Variants in TMEM74 observed in about 807,000 individuals in gnomAD.
TMEM74 encodes transmembrane protein 74.
Under a neutral mutation model 18.1 loss-of-function variants are expected in TMEM74, and 13 were observed. That is an observed-to-expected ratio of 0.72 (90% CI 0.47 to 1.14). The LOEUF (loss-of-function observed/expected upper bound fraction) is 1.14. Ranked by LOEUF, TMEM74 falls within the 50% of genes most tolerant of loss-of-function variation. The pLI, the probability that TMEM74 is intolerant of heterozygous loss-of-function variation, is 0.00. For missense variants in TMEM74, 372 were observed against 375.9 expected, an observed-to-expected ratio of 0.99 and a Z score of 0.09; for synonymous variants, 159 against 146.6, an observed-to-expected ratio of 1.08 and a Z score of -0.61.
chr8:108,648,426 A>G (rs1812742262), intron 2 of TMEM74, among the ~76,000 whole-genome samples: 1 of 152,104 alleles, frequency 6.6e-6, no homozygotes, highest in Non-Finnish European at 1.5e-5. Context: ...TGCGAGGCAA[A>G]ATTAGCTTCA....
rs1049825392 is a variant in TMEM74 at position 108,780,884 on chromosome 8, C to G, written c.*3297G>C. Among the ~76,000 whole-genome samples, 4 of 152,212 alleles carry G rather than the reference C, an allele frequency of 2.6e-5. No homozygotes were observed. The highest frequency in any genetic ancestry group is 2.6e-4 in the Admixed American group (4 of 15,286). ...ATTATGTGATCTGCTTTAAGAGCTC[C>G]CAATGGGTGGGAAGGACACACAGCG... On this transcript the variant is annotated 3_prime_UTR_variant, in exon 2 of 2. Coordinates refer to ENST00000297459, the MANE Select transcript of TMEM74 (RefSeq NM_153015.3).
intron 1 of TMEM74, among the ~76,000 whole-genome samples, chr8:108,772,062 T>C (rs1414578785): frequency 1.3e-5 from 2 of 152,174 alleles, no homozygotes. Flanking sequence ...GATTCCTGGT[T>C]AGAGTGAATA....
At chr8:108,608,298 C>CAAAAAAAAA (rs374774953) in intron 3 of TMEM74, among the ~76,000 whole-genome samples, 1 of 72,540 alleles carries the variant, frequency 1.4e-5, no homozygotes, top group Non-Finnish European at 3.0e-5. Context: ...AAGACTCTGT[C>CAAAAAAAAA]AAAAAAAAAA....
At chr8:108,747,758 CT>C (rs1813864711) in intron 1 of TMEM74, among the ~76,000 whole-genome samples, 1 of 150,526 alleles carries the variant, frequency 6.6e-6, no homozygotes, top group South Asian at 2.2e-4. Flanking sequence ...TGTTTCCCCC[CT>C]GTGTTCATGT....
At position 108,717,530 on chromosome 8, in the gene TMEM74, T is replaced by C. The variant is rs116634906; in HGVS notation, n.120-62093A>G. Among the ~76,000 whole-genome samples, 945 of 152,248 alleles carry C rather than the reference T, an allele frequency of 6.2e-3. 6 individuals are homozygous for C. The highest frequency in any genetic ancestry group is 0.021 in the African/African-American group (858 of 41,518). ...CAGATAACCTGAAAAATGTCAGTTA[T>C]GTAGTATATTAGAGCTCATAAATGC... On this transcript the variant is annotated intron_variant and non_coding_transcript_variant, in intron 1 of 3. Coordinates refer to the TMEM74 transcript ENST00000518838.
intron 1 of TMEM74, among the ~76,000 whole-genome samples, chr8:108,721,835 C>A (rs994790536): frequency 9.9e-5 from 15 of 152,144 alleles, no homozygotes; most frequent in African/African-American, 3.6e-4. Flanking sequence ...CACAAAGAAC[C>A]ATTGATCTGC....
intron 2 of TMEM74, among the ~76,000 whole-genome samples, chr8:108,618,052 T>G (rs1812403328): frequency 6.6e-6 from 1 of 152,156 alleles, no homozygotes; most frequent in Admixed American, 6.5e-5. Flanking sequence ...AACAAGCTTT[T>G]GTCCTCTGTA....
intron 2 of TMEM74, among the ~76,000 whole-genome samples, chr8:108,640,316 G>T (rs968252111): frequency 1.3e-5 from 2 of 151,622 alleles, no homozygotes; most frequent in African/African-American, 4.8e-5. Flanking sequence ...GTTTCACCAT[G>T]TTGGCCAGGC....
Position 108,780,642 on chromosome 8 carries a change from C to G in TMEM74, c.*3539G>C, listed in dbSNP as rs1275568794. Among the ~76,000 whole-genome samples, 2 of 152,092 alleles carry G rather than the reference C, an allele frequency of 1.3e-5. No individual in the cohort carries two copies. Among genetic ancestry groups the G allele is most frequent in the Non-Finnish European group, 2.9e-5 (2 of 68,030 alleles). On this transcript the variant is annotated 3_prime_UTR_variant, in exon 2 of 2. Coordinates refer to ENST00000297459, the MANE Select transcript of TMEM74 (RefSeq NM_153015.3). ...CAAATAAGTATGAGGGGGATGAACT[C>G]ATATTTTAAGCAGACAGCAAAGCAT...
chr8:108,784,849 C>T lies in TMEM74; in HGVS notation c.250G>A (p.Gly84Arg). 6.2e-7 allele frequency: 1 copy of T among 1,614,160 alleles called. No individual in the cohort carries two copies. Among genetic ancestry groups the T allele is most frequent in the South Asian group, 1.1e-5 (1 of 91,076 alleles). The part of the protein sequence containing the change: ...STLQPDAFPP[G>R]LLHSGNNQIT... The stretch of plus-strand genomic sequence containing the variant: ...TGGTTGTTCCCTGAGTGGAGAAGTC[C>T]TGGTGGAAAGGCATCTGGCTGAAGA... Residue 84 changes from glycine (G) to arginine (R), a missense_variant, in exon 2 of 2, where the codon GGA becomes AGA. Physicochemically the swap from Gly to Arg is moderately radical, Grantham distance 125. Coordinates refer to ENST00000297459, the MANE Select transcript of TMEM74 (RefSeq NM_153015.3).
At chr8:108,628,784 G>A (rs891068507) in intron 2 of TMEM74, among the ~76,000 whole-genome samples, 7 of 151,858 alleles carry the variant, frequency 4.6e-5, no homozygotes, top group Admixed American at 1.3e-4. Flanking sequence ...CCACATCCTC[G>A]CCAGCATCTG....
intron 2 of TMEM74, among the ~76,000 whole-genome samples, chr8:108,626,330 T>C (rs1258184398): frequency 6.6e-6 from 1 of 152,120 alleles, no homozygotes; most frequent in Non-Finnish European, 1.5e-5. Flanking sequence ...ATTCAGAATT[T>C]TATGATATTA....
chr8:108,712,693 C>T (rs1342316844), intron 1 of TMEM74, among the ~76,000 whole-genome samples: 1 of 152,108 alleles, frequency 6.6e-6, no homozygotes, highest in Non-Finnish European at 1.5e-5. Flanking sequence ...CATTTAGCCT[C>T]CCATACTACC....
At chr8:108,679,377 G>T (rs981291371) in intron 1 of TMEM74, among the ~76,000 whole-genome samples, 3 of 152,138 alleles carry the variant, frequency 2.0e-5, no homozygotes, top group African/African-American at 7.2e-5. Context: ...GTGTAAAAGT[G>T]TTCCTATTTC....
At chr8:108,750,262 C>T (rs187876688) in intron 1 of TMEM74, among the ~76,000 whole-genome samples, 3 of 152,288 alleles carry the variant, frequency 2.0e-5, no homozygotes, top group Non-Finnish European at 2.9e-5. Flanking sequence ...ATTGCTCAAA[C>T]ATATTTAATT....
intron 1 of TMEM74, among the ~76,000 whole-genome samples, chr8:108,706,111 A>AAATCT (rs1307352838): frequency 6.6e-6 from 1 of 152,230 alleles, no homozygotes; most frequent in African/African-American, 2.4e-5. Flanking sequence ...TAAGCACACC[A>AAATCT]GAGGCACAGC....
intron 1 of TMEM74, among the ~76,000 whole-genome samples, chr8:108,739,726 C>G (rs138206991): frequency 1.3e-5 from 2 of 152,040 alleles, no homozygotes; most frequent in African/African-American, 4.8e-5. Flanking sequence ...AGGGCTTTTT[C>G]TTTTCCATAT....
intron 1 of TMEM74, among the ~76,000 whole-genome samples, chr8:108,747,871 C>T (rs112929952): frequency 0.034 from 5,139 of 152,102 alleles, 282 homozygotes; most frequent in African/African-American, 0.12. Flanking sequence ...GCTCCATCCA[C>T]GTCCCTGCAA....
At chr8:108,756,711 A>G (rs1377383285) in intron 1 of TMEM74, among the ~76,000 whole-genome samples, 22 of 80,030 alleles carry the variant, frequency 2.7e-4, no homozygotes, top group Non-Finnish European at 3.1e-4. Flanking sequence ...AAGGAAAGAA[A>G]GAAAGAAAGA....
Sources: allele counts gnomAD v4.1 joint callset (sites outside exome capture counted in the v4.1 genomes callset), GRCh38; gene constraint gnomAD v4.1.1; transcripts MANE v1.5; gene names NCBI Gene and HGNC (gene_info 2026-07-23, HGNC 2026-07-21).